CCDC171: variants seen among roughly 807,000 people sequenced by gnomAD.
CCDC171 encodes coiled-coil domain containing 171.
A neutral mutation model predicts 168.2 loss-of-function variants in CCDC171; 177 were observed. The ratio of observed to expected loss-of-function variants is 1.05; its 90% CI spans 0.93 to 1.19. The LOEUF (loss-of-function observed/expected upper bound fraction) is 1.19, where lower values mean the gene tolerates loss of function less well. Among genes scored for constraint, CCDC171 ranks in the 50% most tolerant of loss-of-function variants. The pLI is 0.00. For synonymous variants in CCDC171, 687 were observed against 540.8 expected, an observed-to-expected ratio of 1.27 and a Z score of -3.75; for missense variants, 1,991 against 1,539.0, an observed-to-expected ratio of 1.29 and a Z score of -4.91.
intron 1 of CCDC171, among the ~76,000 whole-genome samples, chr9:15,563,025 T>C (rs889784681): frequency 1.1e-4 from 17 of 152,284 alleles, no homozygotes; most frequent in Admixed American, 4.6e-4. Flanking sequence ...AGATAACTTA[T>C]AGTTCAGGTT....
intron 3 of CCDC171, among the ~76,000 whole-genome samples, chr9:15,996,483 G>A (rs1832378912): frequency 1.5e-5 from 2 of 130,388 alleles, no homozygotes; most frequent in African/African-American, 5.9e-5. Context: ...TTGTGCACCT[G>A]TGTTTTGACT....
At chr9:15,656,180 G>C (rs769262905) in intron 7 of CCDC171, among the ~76,000 whole-genome samples, 1 of 152,086 alleles carries the variant, frequency 6.6e-6, no homozygotes, top group Non-Finnish European at 1.5e-5. Flanking sequence ...TTAGCTGGGC[G>C]TGGTGGCCGG....
chr9:15,968,191 A>G (rs1378712824), intron 25 of CCDC171, among the ~76,000 whole-genome samples: 1 of 152,230 alleles, frequency 6.6e-6, no homozygotes, highest in Non-Finnish European at 1.5e-5. Flanking sequence ...AAAGATTCAC[A>G]TGACGCCTAG....
At chr9:15,759,176 A>C (rs1023559073) in intron 18 of CCDC171, among the ~76,000 whole-genome samples, 7 of 152,118 alleles carry the variant, frequency 4.6e-5, no homozygotes, top group Admixed American at 2.6e-4. Flanking sequence ...AGTGATATTG[A>C]TAATATCATA....
intron 21 of CCDC171, among the ~76,000 whole-genome samples, chr9:15,805,866 A>G (rs1386668566): frequency 6.6e-6 from 1 of 151,742 alleles, no homozygotes; most frequent in Admixed American, 6.6e-5. Context: ...TCCCAGTATT[A>G]TTGTGTATTA....
At chr9:15,652,843 G>T (rs574763239) in intron 7 of CCDC171, among the ~76,000 whole-genome samples, 1 of 152,066 alleles carries the variant, frequency 6.6e-6, no homozygotes, top group Non-Finnish European at 1.5e-5. Context: ...TAAGTCTTTA[G>T]TAAAGAAAAT....
chr9:15,682,690 T>G (rs542968999), intron 10 of CCDC171, among the ~76,000 whole-genome samples: 1 of 152,024 alleles, frequency 6.6e-6, no homozygotes, highest in South Asian at 2.1e-4. Context: ...TTGAATGTCA[T>G]TGAATTAGTA....
intron 24 of CCDC171, among the ~76,000 whole-genome samples, chr9:15,917,830 C>G (rs187100116): frequency 4.0e-5 from 6 of 151,794 alleles, no homozygotes; most frequent in African/African-American, 1.4e-4. Context: ...AGGGAACTTT[C>G]TTACCATTCA....
intron 4 of CCDC171, among the ~76,000 whole-genome samples, chr9:16,021,503 A>G (rs958921434): frequency 2.0e-5 from 3 of 152,264 alleles, no homozygotes; most frequent in African/African-American, 7.2e-5. Context: ...AGGCAAGGTA[A>G]CTAAAGGCAG....
Position 15,686,421 on chromosome 9 carries a change from G to A in CCDC171, c.1215+7525G>A, listed in dbSNP as rs1180920179. On this transcript the variant is annotated intron_variant, in intron 10 of 25. Transcript: ENST00000380701. ...GATCATTAAAGATAATATATGTATC[G>A]GGAGAATGGCGTGAACCCGGGAGGC... is the stretch of plus-strand genomic sequence containing the variant. 2.0e-5 allele frequency among the ~76,000 whole-genome samples: 3 copies of A among 151,714 alleles called. No individual in the cohort carries two copies. The East Asian group carries it at 5.8e-4, about 29-fold the overall frequency.
In CCDC171 at chr9:15,997,041, A is replaced by G. The variant is rs191581501; in HGVS notation, n.369-23548A>G. Reference sequence around the variant, plus strand: ...TTGGGAAAGACACTAAAACAGAGTTAGGAGTGATTAAAAGATATTTATTGA... The same window carrying G: ...TTGGGAAAGACACTAAAACAGAGTTGGGAGTGATTAAAAGATATTTATTGA... On this transcript the variant is annotated intron_variant and non_coding_transcript_variant, in intron 3 of 9. Transcript: ENST00000486641. 7.9e-4 allele frequency among the ~76,000 whole-genome samples: 120 copies of G among 152,306 alleles called. 1 individual carries two copies. In the East Asian group the frequency reaches 0.023, roughly 29 times the overall value.
At chr9:15,595,313 A>G (rs2042263539) in intron 6 of CCDC171, among the ~76,000 whole-genome samples, 1 of 151,978 alleles carries the variant, frequency 6.6e-6, no homozygotes, top group South Asian at 2.1e-4. Flanking sequence ...CTGACCCCAC[A>G]ACAGGCCCTG....
At chr9:16,088,829 T>C in the CCDC171 span, among the ~76,000 whole-genome samples, 13 of 152,144 alleles carry the variant, frequency 8.5e-5, no homozygotes, top group African/African-American at 3.1e-4. Context: ...CAAGCTACCA[T>C]TGATTTTCTC....
intron 25 of CCDC171, among the ~76,000 whole-genome samples, chr9:15,940,193 A>G (rs959135821): frequency 6.6e-6 from 1 of 151,926 alleles, no homozygotes. Flanking sequence ...ATGTAAATAC[A>G]TGTTTTACAG....
chr9:16,000,030 A>G (rs138775573), intron 3 of CCDC171, among the ~76,000 whole-genome samples: 31 of 152,336 alleles, frequency 2.0e-4, no homozygotes, highest in African/African-American at 7.0e-4. Context: ...TCTAATATTT[A>G]TGGCAAAAGC....
At chr9:16,034,616 C>G (rs1167037432) in intron 6 of CCDC171, among the ~76,000 whole-genome samples, 1 of 152,170 alleles carries the variant, frequency 6.6e-6, no homozygotes. Flanking sequence ...CTCAAGGAAG[C>G]CTCCTGTCGT....
chr9:15,657,086 A>C, intron 7 of CCDC171, 41 bp from the exon 8 acceptor site: 1 of 1,176,966 alleles, frequency 8.5e-7, no homozygotes, highest in South Asian at 1.4e-5. Context: ...TCTTCTTTAA[A>C]TACCAATGTT....
At chr9:16,079,736 G>C in the CCDC171 span, among the ~76,000 whole-genome samples, 3 of 152,214 alleles carry the variant, frequency 2.0e-5, no homozygotes, top group African/African-American at 7.2e-5. Flanking sequence ...CGTTAGAGCA[G>C]ATTTAGCAAC....
intron 17 of CCDC171, among the ~76,000 whole-genome samples, chr9:15,745,213 T>A (rs1314409564): frequency 6.6e-6 from 1 of 152,262 alleles, no homozygotes; most frequent in Non-Finnish European, 1.5e-5. Flanking sequence ...AATTTTCCAG[T>A]TGTGTTTTGA....
Sources: gnomAD v4.1 joint callset for allele counts (sites outside exome capture counted in the v4.1 genomes callset) on GRCh38, gnomAD v4.1.1 for gene constraint, MANE v1.5 for transcripts, NCBI Gene and HGNC (gene_info 2026-07-23, HGNC 2026-07-21) for gene names.